HMGA2: variants seen among roughly 807,000 people sequenced by gnomAD.
The protein encoded by HMGA2 is high mobility group protein HMGI-C.
A neutral mutation model predicts 19.1 loss-of-function variants in HMGA2; 8 were observed. The ratio of observed to expected loss-of-function variants is 0.42; its 90% CI spans 0.25 to 0.76. HMGA2 has a LOEUF of 0.76. HMGA2 is among the 30% of genes least tolerant of loss of function. The pLI is 0.28. For missense variants in HMGA2, 109 were observed against 136.3 expected, an observed-to-expected ratio of 0.80 and a Z score of 1.00; for synonymous variants, 60 against 48.8, an observed-to-expected ratio of 1.23 and a Z score of -0.96.
rs796450861 is a variant in HMGA2 at position 65,907,436 on chromosome 12, G to C, written c.250-43947G>C. On this transcript the variant is annotated intron_variant, in intron 3 of 4. Transcript: ENST00000403681. The stretch of plus-strand genomic sequence containing the variant: ...CAAAAAAAAAAAAAAAAAAAAGGTG[G>C]GGGGTAAAGTGCTCTGATAGTCATA... 1.5e-3 allele frequency among the ~76,000 whole-genome samples: 229 copies of C among 151,606 alleles called. 2 individuals carry two copies. Among genetic ancestry groups the C allele is most frequent in the African/African-American group, 5.2e-3 (215 of 41,280 alleles).
chr12:65,873,705 G>A (rs911834233), intron 3 of HMGA2: 3 of 152,126 alleles, frequency 2.0e-5, no homozygotes, highest in Admixed American at 6.5e-5. Context: ...ACATTACTCT[G>A]TTATATTTTA....
chr12:65,892,185 C>T (rs945301695), intron 3 of HMGA2, among the ~76,000 whole-genome samples: 3 of 152,126 alleles, frequency 2.0e-5, no homozygotes, highest in Admixed American at 6.5e-5. Flanking sequence ...AGGAGGTGCT[C>T]GTCACATGAT....
At chr12:65,922,765 G>A (rs1235832587) in intron 3 of HMGA2, among the ~76,000 whole-genome samples, 7 of 152,152 alleles carry the variant, frequency 4.6e-5, no homozygotes, top group African/African-American at 1.7e-4. Context: ...GTAGCTCCTA[G>A]AATTTCCATG....
intron 2 of HMGA2, among the ~76,000 whole-genome samples, chr12:65,834,028 T>C (rs1397262685): frequency 6.6e-6 from 1 of 152,202 alleles, no homozygotes; most frequent in East Asian, 1.9e-4. Flanking sequence ...GGCATTGTGG[T>C]CTTCATTCCA....
chr12:65,914,498 TG>T (rs1327991386), intron 3 of HMGA2, among the ~76,000 whole-genome samples: 3 of 60,722 alleles, frequency 4.9e-5, no homozygotes, highest in Admixed American at 2.7e-4. Context: ...TGTTGTGGGG[TG>T]GGGGGAGGGG....
chr12:65,938,403 C>T (rs911475960), intron 3 of HMGA2, among the ~76,000 whole-genome samples: 1 of 152,172 alleles, frequency 6.6e-6, no homozygotes, highest in African/African-American at 2.4e-5. Flanking sequence ...CTATTTGAGA[C>T]TCATCAGAAT....
At chr12:65,878,124 C>T (rs1414214564) in intron 3 of HMGA2, among the ~76,000 whole-genome samples, 2 of 152,184 alleles carry the variant, frequency 1.3e-5, no homozygotes, top group Admixed American at 6.5e-5. Context: ...TACCTGGAAG[C>T]GCCATTCACA....
intron 3 of HMGA2, 85 bp from the exon 4 acceptor site, chr12:65,951,298 G>A: frequency 1.3e-6 from 1 of 797,184 alleles, no homozygotes; most frequent in South Asian, 1.7e-5. Flanking sequence ...TTGCAGACAA[G>A]TATCTGTATT....
chr12:65,948,682 G>T (rs1002632197), intron 3 of HMGA2, among the ~76,000 whole-genome samples: 1 of 152,228 alleles, frequency 6.6e-6, no homozygotes, highest in African/African-American at 2.4e-5. Context: ...GGGTCTGTTT[G>T]TTTGGTGGTC....
intron 3 of HMGA2, among the ~76,000 whole-genome samples, chr12:65,951,138 A>G (rs1876443879): frequency 6.6e-6 from 1 of 152,128 alleles, no homozygotes; most frequent in Non-Finnish European, 1.5e-5. Flanking sequence ...CATGTTGCCC[A>G]GCCTGGTCTA....
chr12:65,948,164 G>A (rs976761739), intron 3 of HMGA2, among the ~76,000 whole-genome samples: 7 of 152,096 alleles, frequency 4.6e-5, no homozygotes, highest in Non-Finnish European at 1.0e-4. Context: ...GACCCTCCCA[G>A]TAACAAAGGG....
At position 65,824,662 on chromosome 12, in the gene HMGA2, C is replaced by T. The variant is rs921455968; in HGVS notation, c.-609C>T. ...CCCGACCCTATCCCGGCGGAGTCTC[C>T]CCATCCTCCTTTGCTTTCCGACTGC... is the stretch of plus-strand genomic sequence containing the variant. On this transcript the variant is annotated 5_prime_UTR_variant, in exon 1 of 5. Coordinates refer to ENST00000403681, the MANE Select transcript of HMGA2 (RefSeq NM_003483.6). 6 of 232,490 alleles carry T rather than the reference C, an allele frequency of 2.6e-5. No individual in the cohort carries two copies. The highest frequency in any genetic ancestry group is 1.8e-4 in the East Asian group (3 of 16,454). The allele number at this position is 232,490 out of a possible 1,614,324, so 14.4% of individuals were successfully genotyped here.
chr12:65,836,117 T>C (rs1398449175), intron 2 of HMGA2, among the ~76,000 whole-genome samples: 1 of 152,002 alleles, frequency 6.6e-6, no homozygotes, highest in Non-Finnish European at 1.5e-5. Context: ...ACTCCCTTTC[T>C]GGGAGGCAGA....
chr12:65,900,928 G>A (rs1022966023), intron 3 of HMGA2, among the ~76,000 whole-genome samples: 1 of 152,118 alleles, frequency 6.6e-6, no homozygotes, highest in Non-Finnish European at 1.5e-5. Flanking sequence ...TTAAAAACAG[G>A]CAATGTGTAA....
At chr12:65,907,945 C>A (rs1257489420) in intron 3 of HMGA2, among the ~76,000 whole-genome samples, 1 of 152,088 alleles carries the variant, frequency 6.6e-6, no homozygotes, top group Admixed American at 6.5e-5. Context: ...GCTTTTCAAC[C>A]ATTACAAAGG....
Position 65,824,738 on chromosome 12 carries a change from TC to T in HMGA2, c.-532del. The T allele has an allele frequency of 4.4e-6, 1 of 227,230 alleles. No individual in the cohort carries two copies. Among genetic ancestry groups the T allele is most frequent in the Non-Finnish European group, 8.6e-6 (1 of 116,714 alleles). 14.1% of individuals were successfully genotyped at this position (227,230 alleles called of 1,614,324 possible). The stretch of plus-strand genomic sequence containing the variant: ...TTCTCTCTCTCTCTCTCTCTCTCTC[TC>T]TCTCTCTCTCTCTCTCTCTCTCTCT... On this transcript the variant is annotated 5_prime_UTR_variant, in exon 1 of 5. Coordinates refer to ENST00000403681, the MANE Select transcript of HMGA2 (RefSeq NM_003483.6).
Position 65,859,986 on chromosome 12 carries a change from G to A in HMGA2, c.249+21417G>A, listed in dbSNP as rs750053627. The A allele has an allele frequency of 2.4e-4, 105 of 442,044 alleles. 1 individual carries two copies. The highest frequency in any genetic ancestry group is 1.5e-3 in the South Asian group (96 of 62,544). 27.4% of individuals were successfully genotyped at this position (442,044 alleles called of 1,614,324 possible). A position where few individuals can be genotyped will look rare whatever the true frequency, so the allele number is the denominator to read the frequency against. ...CACACACCTATAGTCCCAGCTACTC[G>A]GGAGGCTGAGGTGGGAAAATGCTTG... On this transcript the variant is annotated intron_variant, in intron 3 of 4. Coordinates refer to ENST00000403681, the MANE Select transcript of HMGA2 (RefSeq NM_003483.6).
chr12:65,927,557 A>T (rs1356020733), intron 3 of HMGA2, among the ~76,000 whole-genome samples: 1 of 152,212 alleles, frequency 6.6e-6, no homozygotes, highest in African/African-American at 2.4e-5. Context: ...ATAAAATCAC[A>T]AATTATCACA....
chr12:65,882,095 C>G (rs976788067), intron 3 of HMGA2: 7 of 530,132 alleles, frequency 1.3e-5, no homozygotes, highest in Non-Finnish European at 2.4e-5. Flanking sequence ...CGTGGAAACC[C>G]CTGGCGGCTG....
Sources: gnomAD v4.1 joint callset for allele counts (sites outside exome capture counted in the v4.1 genomes callset) on GRCh38, gnomAD v4.1.1 for gene constraint, MANE v1.5 for transcripts, NCBI Gene and HGNC (gene_info 2026-07-23, HGNC 2026-07-21) for gene names.